USH2A: variants seen among roughly 807,000 people sequenced by gnomAD.
USH2A encodes the protein usherin.
A neutral mutation model predicts 538.9 loss-of-function variants in USH2A; 443 were observed. The observed-to-expected ratio is 0.82, with a 90% CI of 0.76 to 0.89. The LOEUF is 0.89. Among genes scored for constraint, USH2A ranks in the 40% least tolerant of loss-of-function variants. The pLI, the probability that USH2A is intolerant of heterozygous loss-of-function variation, is 0.00. For missense variants in USH2A, 6,633 were observed against 6,324.8 expected, an observed-to-expected ratio of 1.05 and a Z score of -1.65; for synonymous variants, 2,413 against 2,273.5, an observed-to-expected ratio of 1.06 and a Z score of -1.75.
At chr1:216,363,887 GTATT>G (rs1387973044) in intron 4 of USH2A, among the ~76,000 whole-genome samples, 1 of 151,624 alleles carries the variant, frequency 6.6e-6, no homozygotes. Flanking sequence ...TTGGAAAAAT[GTATT>G]TATAACTATA....
At chr1:216,187,720 C>A (rs569616934) in intron 20 of USH2A, among the ~76,000 whole-genome samples, 8 of 151,802 alleles carry the variant, frequency 5.3e-5, no homozygotes, top group Non-Finnish European at 1.2e-4. Flanking sequence ...TGATAAAAAT[C>A]ATGACAATAA....
At chr1:215,819,058 C>T (rs1381019136) in intron 47 of USH2A, among the ~76,000 whole-genome samples, 1 of 151,672 alleles carries the variant, frequency 6.6e-6, no homozygotes, top group Admixed American at 6.6e-5. Context: ...GAATTTCTAG[C>T]CATAAAAATT....
intron 61 of USH2A, among the ~76,000 whole-genome samples, chr1:215,691,276 C>T (rs1034739905): frequency 6.6e-6 from 1 of 152,068 alleles, no homozygotes; most frequent in African/African-American, 2.4e-5. Context: ...TGCTCAAAAC[C>T]CTGTTCTAGT....
chr1:216,403,820 G>A (rs1181809658), intron 3 of USH2A, among the ~76,000 whole-genome samples: 1 of 152,074 alleles, frequency 6.6e-6, no homozygotes, highest in Admixed American at 6.5e-5. Context: ...GCACCTGGCG[G>A]GAGGTGATTA....
intron 11 of USH2A, among the ~76,000 whole-genome samples, chr1:216,285,078 A>C (rs575060216): frequency 6.6e-6 from 1 of 152,348 alleles, no homozygotes; most frequent in African/African-American, 2.4e-5. Flanking sequence ...CATTTTCCGG[A>C]GAGAAATTCA....
chr1:215,931,712 A>G (rs1248603677), intron 38 of USH2A, among the ~76,000 whole-genome samples: 1 of 152,034 alleles, frequency 6.6e-6, no homozygotes, highest in African/African-American at 2.4e-5. Flanking sequence ...TCATTCACCA[A>G]TTATTCATTA....
chr1:215,683,257 A>G (rs2820679), intron 61 of USH2A, among the ~76,000 whole-genome samples: 4 of 11,112 alleles, frequency 3.6e-4, no homozygotes, highest in Middle Eastern at 0.056. Context: ...ACACACACGC[A>G]CACACACACA....
chr1:216,341,422 A>G (rs1045468575), intron 4 of USH2A, among the ~76,000 whole-genome samples: 3 of 152,192 alleles, frequency 2.0e-5, no homozygotes, highest in Admixed American at 6.5e-5. Flanking sequence ...CACACCACGC[A>G]AAGTAATTTA....
chr1:215,891,796 G>A (rs1350878144), intron 40 of USH2A, among the ~76,000 whole-genome samples: 4 of 152,098 alleles, frequency 2.6e-5, no homozygotes, highest in Admixed American at 2.6e-4. Context: ...CACTGGAGGG[G>A]AGACTGGGAG....
intron 27 of USH2A, among the ~76,000 whole-genome samples, chr1:216,074,365 T>C (rs1338666223): frequency 2.0e-5 from 3 of 152,000 alleles, no homozygotes; most frequent in African/African-American, 7.3e-5. Context: ...CAAAACACTG[T>C]AAAGTTTGAA....
At chr1:215,673,331 T>A (rs780215533) in intron 63 of USH2A, among the ~76,000 whole-genome samples, 10 of 152,306 alleles carry the variant, frequency 6.6e-5, no homozygotes, top group Admixed American at 1.3e-4. Context: ...TCAACACTCT[T>A]TCAGCCTTTA....
At chr1:215,711,538 C>G (rs776975537) in intron 61 of USH2A, among the ~76,000 whole-genome samples, 6 of 152,064 alleles carry the variant, frequency 3.9e-5, no homozygotes, top group Non-Finnish European at 8.8e-5. Context: ...AGTAGAAATT[C>G]TAGATACATT....
At chr1:215,941,526 T>C (rs531284177) in intron 37 of USH2A, among the ~76,000 whole-genome samples, 2 of 152,258 alleles carry the variant, frequency 1.3e-5, no homozygotes, top group African/African-American at 2.4e-5. Context: ...CTAAAAGTTA[T>C]TGAACAAATA....
intron 22 of USH2A, among the ~76,000 whole-genome samples, chr1:216,090,241 T>C (rs959229520): frequency 7.9e-5 from 12 of 152,002 alleles, no homozygotes; most frequent in African/African-American, 2.9e-4. Context: ...TTTGATGTAA[T>C]GGTGCTGAAG....
chr1:215,928,576 C>G (rs1571821328), intron 38 of USH2A, among the ~76,000 whole-genome samples: 1 of 152,102 alleles, frequency 6.6e-6, no homozygotes, highest in Non-Finnish European at 1.5e-5. Context: ...TTCCAGCATA[C>G]ATGCTTTTTG....
intron 3 of USH2A, among the ~76,000 whole-genome samples, chr1:216,377,432 G>A (rs973627500): frequency 4.6e-5 from 7 of 152,020 alleles, no homozygotes; most frequent in Non-Finnish European, 7.4e-5. Flanking sequence ...AGGTATTTAC[G>A]GGTCAAATGC....
At chr1:216,397,888 C>A (rs577673017) in intron 3 of USH2A, among the ~76,000 whole-genome samples, 5 of 152,336 alleles carry the variant, frequency 3.3e-5, no homozygotes, top group African/African-American at 1.2e-4. Context: ...TGAGCAAATT[C>A]TCCCTAATAC....
chr1:216,405,873 A>T (rs1357619737), intron 3 of USH2A, among the ~76,000 whole-genome samples: 1 of 152,238 alleles, frequency 6.6e-6, no homozygotes, highest in African/African-American at 2.4e-5. Context: ...TGCCCTTAAC[A>T]ACTTGAATGA....
chr1:216,113,942 A>G (rs912025497), intron 21 of USH2A, among the ~76,000 whole-genome samples: 113 of 151,732 alleles, frequency 7.4e-4, no homozygotes, highest in African/African-American at 2.6e-3. Flanking sequence ...TGAGATAGGG[A>G]TATATTCCAG....
Sources: allele counts gnomAD v4.1 joint callset (sites outside exome capture counted in the v4.1 genomes callset), GRCh38; gene constraint gnomAD v4.1.1; transcripts MANE v1.5; gene names NCBI Gene and HGNC (gene_info 2026-07-23, HGNC 2026-07-21).